The following MBD3 variants were observed in gnomAD, a reference collection of about 807,000 sequenced individuals.
The protein encoded by MBD3 is methyl-CpG-binding domain protein 3.
MBD3 carries 13 observed loss-of-function variants against 31.2 expected under a neutral mutation model. That is an observed-to-expected ratio of 0.42 (90% CI 0.27 to 0.66). The LOEUF is 0.66. Among genes scored for constraint, MBD3 ranks in the 30% least tolerant of loss-of-function variants. The pLI, the probability that MBD3 is intolerant of heterozygous loss-of-function variation, is 0.26. For synonymous variants in MBD3, 223 were observed against 187.4 expected (o/e 1.19, Z -1.55); for missense variants, 440 against 426.5 (o/e 1.03, Z -0.28).
chr19:1,578,266 A>C lies in MBD3; in HGVS notation c.*5+69T>G, dbSNP rs1917257996. ...GGGAGGCACCCGTCATCCCAAGCAC[A>C]TCTGTGTTCACCAGGCAGTCCCCAC... is the stretch of plus-strand genomic sequence containing the variant. On this transcript the variant is annotated intron_variant, in intron 6 of 6. Coordinates refer to ENST00000434436, the MANE Select transcript of MBD3 (RefSeq NM_001281453.2). This position sits in a 1 kb window ranked among gnomAD's most constrained non-coding sequence, Gnocchi z 6.1. 6.3e-7 allele frequency: 1 copy of C among 1,595,052 alleles called. No homozygotes were observed. Among genetic ancestry groups the C allele is most frequent in the African/African-American group, 1.3e-5 (1 of 74,862 alleles).
intron 1 of MBD3, among the ~76,000 whole-genome samples, chr19:1,589,413 G>T (rs1262239729): frequency 6.6e-6 from 1 of 151,486 alleles, no homozygotes; most frequent in Non-Finnish European, 1.5e-5. Context: ...AGCACTTTGG[G>T]AGGCCAAGGA....
intron 1 of MBD3, among the ~76,000 whole-genome samples, chr19:1,587,382 A>T (rs1451487053): frequency 6.6e-6 from 1 of 151,312 alleles, no homozygotes; most frequent in Non-Finnish European, 1.5e-5. Flanking sequence ...ATTAAAGGTG[A>T]GTCATCACGC....
chr19:1,585,042 C>T lies in MBD3; in HGVS notation c.270+13G>A, dbSNP rs1193540283. Reference sequence around the variant, plus strand: ...CCCCGCGCCGACGTCACCTGCGTGACGCCACCACTCACCTTGACCTGGTTG... The same window carrying T: ...CCCCGCGCCGACGTCACCTGCGTGATGCCACCACTCACCTTGACCTGGTTG... On this transcript the variant is annotated intron_variant, in intron 2 of 6. Transcript: ENST00000434436. This position sits in a 1 kb window ranked among gnomAD's most constrained non-coding sequence, Gnocchi z 4.1. The T allele has an allele frequency of 6.2e-7, 1 of 1,610,528 alleles. No individual in the cohort carries two copies. The highest frequency in any genetic ancestry group is 1.7e-5 in the Admixed American group (1 of 59,972).
rs775523740 is a variant in MBD3 at position 1,575,362 on chromosome 19, T to C, written c.*2802A>G. 4 of 412,614 alleles carry C rather than the reference T, an allele frequency of 9.7e-6. No homozygotes were observed. The highest frequency in any genetic ancestry group is 6.2e-5 in the African/African-American group (3 of 48,110). The allele number at this position is 412,614 out of a possible 1,614,324, so 25.6% of individuals were successfully genotyped here. ...TTGCAGTGAGCCCAGATCACGCCACTGCACTCCAGCCTGTGCAACAAGAGC... is the reference window on the plus strand; with the variant it reads ...TTGCAGTGAGCCCAGATCACGCCACCGCACTCCAGCCTGTGCAACAAGAGC... On this transcript the variant is annotated 3_prime_UTR_variant, in exon 7 of 7. Coordinates refer to ENST00000434436, the MANE Select transcript of MBD3 (RefSeq NM_001281453.2).
In MBD3 at chr19:1,578,574, A is replaced by G. The variant is rs368516685; in HGVS notation, c.678-36T>C. 2 of 1,608,976 alleles carry G rather than the reference A, an allele frequency of 1.2e-6. No individual in the cohort carries two copies. Among genetic ancestry groups the G allele is most frequent in the Non-Finnish European group, 1.7e-6 (2 of 1,179,842 alleles). On this transcript the variant is annotated intron_variant, in intron 5 of 6. Transcript: ENST00000434436. The surrounding 1 kb of genome is among the most constrained non-coding windows in gnomAD (Gnocchi z 6.1). ...ATGGACCTTGCGTTACACCAAGGTG[A>G]GCGGCCAGCAGGACATGGACACAGG...
chr19:1,580,842 C>T (rs1917335386), intron 5 of MBD3, among the ~76,000 whole-genome samples: 2 of 152,206 alleles, frequency 1.3e-5, no homozygotes, highest in Non-Finnish European at 2.9e-5. Flanking sequence ...CCAGTCCTCA[C>T]GGACTCAAAG....
rs1186286575 is a variant in MBD3 at position 1,585,155 on chromosome 19, A to G, written c.170T>C (p.Met57Thr). The G allele has an allele frequency of 1.1e-5, 17 of 1,610,284 alleles. No homozygotes were observed. The highest frequency in any genetic ancestry group is 3.3e-5 in the South Asian group (3 of 91,060). The change falls in exon 2 of 7, where the codon ATG becomes ACG. Residue 57 changes from methionine to threonine, a missense_variant. This residue lies in a region of MBD3 where 179 missense variants were observed against 134.7 expected (regional missense o/e 1.33). Transcript: ENST00000434436. The surrounding 1 kb of genome is among the most constrained non-coding windows in gnomAD (Gnocchi z 4.1). ...GCGGAAGTCGAAGGTGCTCAGGTCC[A>G]TGGAGCCGCCCAGGTAGCGCGCCAG... ...PQLARYLGGS[M>T]DLSTFDFRTG...
intron 1 of MBD3, among the ~76,000 whole-genome samples, chr19:1,591,311 C>G (rs937818048): frequency 6.6e-6 from 1 of 152,230 alleles, no homozygotes; most frequent in Non-Finnish European, 1.5e-5. Flanking sequence ...GAACCAGTCC[C>G]TGAGCTCCTC....
At chr19:1,591,786 G>A (rs1364932932) in intron 1 of MBD3, among the ~76,000 whole-genome samples, 2 of 152,162 alleles carry the variant, frequency 1.3e-5, no homozygotes, top group South Asian at 2.1e-4. Context: ...TCCACGGAGG[G>A]GGTTCCCTGC....
chr19:1,582,592 C>T (rs761309548), intron 4 of MBD3, 30 bp downstream of exon 4: 15 of 1,606,278 alleles, frequency 9.3e-6, no homozygotes, highest in Non-Finnish European at 8.5e-7. Flanking sequence ...GGCACATCCC[C>T]TTCCGCCTCC....
chr19:1,575,437 C>T lies in MBD3; in HGVS notation c.*2727G>A, dbSNP rs1042142767. On this transcript the variant is annotated 3_prime_UTR_variant, in exon 7 of 7. Transcript: ENST00000434436. ...AAAAAAAAAAAAAGTCCCAGAAGGT[C>T]TTGGGGCTGAGACATGGGCGGGGCT... is the stretch of plus-strand genomic sequence containing the variant. 2.2e-5 allele frequency: 7 copies of T among 321,598 alleles called. No individual in the cohort carries two copies. Among genetic ancestry groups the T allele is most frequent in the Non-Finnish European group, 4.4e-5 (7 of 160,554 alleles). The allele number at this position is 321,598 out of a possible 1,614,324, so 19.9% of individuals were successfully genotyped here.
Position 1,584,574 on chromosome 19 carries a change from C to T in MBD3, c.374G>A (p.Ser125Asn). Residue 125 changes from serine to asparagine, a missense_variant, in exon 3 of 7, where the codon AGC (serine) becomes AAC (asparagine). Physicochemically the swap from Ser to Asn is conservative, Grantham distance 46. This residue lies in a region of MBD3 where 144 missense variants were observed against 196.9 expected (regional missense o/e 0.73). Transcript: ENST00000434436. ...CTGGTCCACCGCCTTCTGCGGGTCGCTCTTGACCTTGTTGCTGGGGTGGTT... is the reference window on the plus strand; with the variant it reads ...CTGGTCCACCGCCTTCTGCGGGTCGTTCTTGACCTTGTTGCTGGGGTGGTT... ...ITNHPSNKVK[S>N]DPQKAVDQPR... 1.9e-6 allele frequency: 3 copies of T among 1,613,880 alleles called. No individual in the cohort carries two copies. Among genetic ancestry groups the T allele is most frequent in the Non-Finnish European group, 2.5e-6 (3 of 1,179,934 alleles).
rs373636621 is a variant in MBD3, at chr19:1,580,706, G to A, written c.677+386C>T. On this transcript the variant is annotated intron_variant, in intron 5 of 6. Coordinates refer to ENST00000434436, the MANE Select transcript of MBD3 (RefSeq NM_001281453.2). ...GGCCGTGTTCCCTGCTGTTCGTTCC[G>A]AGGCTCTGCACATCAGAACTGCCCC... 3.6e-4 allele frequency among the ~76,000 whole-genome samples: 55 copies of A among 152,224 alleles called. 1 individual carries two copies. In the South Asian group the frequency reaches 8.9e-3, roughly 25 times the overall value.
At position 1,584,555 on chromosome 19, in the gene MBD3, C is replaced by G; in HGVS notation, c.393G>C (p.Val131=). 1.2e-6 allele frequency: 2 copies of G among 1,613,604 alleles called. No homozygotes were observed. The highest frequency in any genetic ancestry group is 1.7e-5 in the Admixed American group (1 of 60,022). Residue 131 remains valine (V), a synonymous_variant, in exon 3 of 7, where the codon GTG becomes GTC. Coordinates refer to ENST00000434436, the MANE Select transcript of MBD3 (RefSeq NM_001281453.2). The part of the protein sequence containing the change: ...NKVKSDPQKA[V]DQPRQLFWEK... ...TTGAGCTCACCTGGCGCGGCTGGTC[C>G]ACCGCCTTCTGCGGGTCGCTCTTGA...
chr19:1,580,994 T>TGG, intron 5 of MBD3, 98 bp downstream of exon 5: 1 of 1,444,256 alleles, frequency 6.9e-7, no homozygotes, highest in Non-Finnish European at 9.6e-7. Flanking sequence ...AGCAGCATCG[T>TGG]GGGGAGACGG....
At chr19:1,582,753 CCTCTCCCCA>C in intron 3 of MBD3, 41 bp from the exon 4 acceptor site, 1 of 1,552,534 alleles carries the variant, frequency 6.4e-7, no homozygotes, top group East Asian at 2.3e-5. Flanking sequence ...GTGGCCCTGC[CCTCTCCCCA>C]CTCCAGGTCC....
intron 4 of MBD3, chr19:1,581,521 C>A: frequency 1.8e-6 from 1 of 561,392 alleles, no homozygotes. Flanking sequence ...GGTGGGAGGA[C>A]TGATTGAGCT....
chr19:1,592,694 C>T lies in MBD3; in HGVS notation c.-63G>A. ...CGCCGCCCGGACCCCCACTCGCCGC[C>T]GCCGCCTCAGCTGCCTCCGCTGCCG... On this transcript the variant is annotated 5_prime_UTR_variant, in exon 1 of 7. Transcript: ENST00000434436. 6 of 583,636 alleles carry T rather than the reference C, an allele frequency of 1.0e-5. No individual in the cohort carries two copies. The highest frequency in any genetic ancestry group is 1.3e-5 in the Non-Finnish European group (6 of 450,312). The allele number at this position is 583,636 out of a possible 1,614,324, so 36.2% of individuals were successfully genotyped here. A position where few individuals can be genotyped will look rare whatever the true frequency, so the allele number is the denominator to read the frequency against.
rs2060673499 is a variant in MBD3, at chr19:1,585,219, G to C, written c.111-5C>G. 6.3e-7 allele frequency: 1 copy of C among 1,585,986 alleles called. No homozygotes were observed. Among genetic ancestry groups the C allele is most frequent in the South Asian group, 1.1e-5 (1 of 89,094 alleles). ...CGGAACTTCTTCCCGCTCGGGCTGC[G>C]GGGAGGCGGGACGGTCGGCGCCCCG... On this transcript the variant is annotated splice_polypyrimidine_tract_variant and splice_region_variant and intron_variant, in intron 1 of 6. Coordinates refer to ENST00000434436, the MANE Select transcript of MBD3 (RefSeq NM_001281453.2). The surrounding 1 kb of genome is among the most constrained non-coding windows in gnomAD (Gnocchi z 4.1).
Sources: allele counts gnomAD v4.1 joint callset (sites outside exome capture counted in the v4.1 genomes callset), GRCh38; gene constraint gnomAD v4.1.1; regional missense constraint gnomAD v4.1.1; non-coding constraint Gnocchi (gnomAD v3.1); transcripts MANE v1.5; gene names NCBI Gene and HGNC (gene_info 2026-07-23, HGNC 2026-07-21).